Variants in FOXO1 observed in about 807,000 individuals in gnomAD.
FOXO1 encodes the protein forkhead box O1.
A neutral mutation model predicts 44.1 loss-of-function variants in FOXO1; 6 were observed. That is an observed-to-expected ratio of 0.14 (90% CI 0.07 to 0.27). The LOEUF (loss-of-function observed/expected upper bound fraction) is 0.27, where lower values mean the gene tolerates loss of function less well. Among genes scored for constraint, FOXO1 ranks in the 10% least tolerant of loss-of-function variants. The pLI, the probability that FOXO1 is intolerant of heterozygous loss-of-function variation, is 1.00. For missense variants in FOXO1, 737 were observed against 888.8 expected (o/e 0.83, Z 2.17); for synonymous variants, 380 against 362.7 (o/e 1.05, Z -0.54).
chr13:40,578,319 A>C (rs1203941362), intron 1 of FOXO1, among the ~76,000 whole-genome samples: 1 of 152,200 alleles, frequency 6.6e-6, no homozygotes, highest in Non-Finnish European at 1.5e-5. Flanking sequence ...AACAAAGCTG[A>C]CAACTGGTCC....
chr13:40,597,556 C>T (rs1875629336), intron 1 of FOXO1, among the ~76,000 whole-genome samples: 1 of 152,170 alleles, frequency 6.6e-6, no homozygotes, highest in African/African-American at 2.4e-5. Context: ...TCAACAAGGT[C>T]CTGTGCCAAA....
chr13:40,620,291 A>T (rs1420244977), intron 1 of FOXO1: 2 of 1,073,816 alleles, frequency 1.9e-6, no homozygotes, highest in African/African-American at 3.1e-5. Flanking sequence ...AACAGAACTC[A>T]TCCAGAGTAG....
intron 1 of FOXO1, among the ~76,000 whole-genome samples, chr13:40,662,954 C>T (rs1446244301): frequency 4.6e-5 from 7 of 152,196 alleles, no homozygotes; most frequent in Admixed American, 3.9e-4. Flanking sequence ...TTTTATGAAA[C>T]TAACCAAAAG....
chr13:40,611,290 T>C (rs2137890945), intron 1 of FOXO1, among the ~76,000 whole-genome samples: 1 of 152,364 alleles, frequency 6.6e-6, no homozygotes, highest in South Asian at 2.1e-4. Context: ...GCTAGAGTGC[T>C]ACCCCTATGG....
At chr13:40,628,669 G>A (rs1876866048) in intron 1 of FOXO1, among the ~76,000 whole-genome samples, 2 of 152,294 alleles carry the variant, frequency 1.3e-5, no homozygotes, top group East Asian at 1.9e-4. Context: ...CTGTGAAATG[G>A]GGACATGGCC....
intron 1 of FOXO1, among the ~76,000 whole-genome samples, chr13:40,582,370 A>G (rs557960221): frequency 6.6e-6 from 1 of 152,334 alleles, no homozygotes; most frequent in Admixed American, 6.5e-5. Context: ...GGTGGTAGCT[A>G]AAAGCTGGGA....
intron 1 of FOXO1, among the ~76,000 whole-genome samples, chr13:40,598,014 G>A (rs553100012): frequency 1.4e-4 from 22 of 152,234 alleles, no homozygotes; most frequent in African/African-American, 4.1e-4. Context: ...TCGGGCTCTC[G>A]TTTTCAATTT....
At chr13:40,629,738 A>G (rs1157957644) in intron 1 of FOXO1, among the ~76,000 whole-genome samples, 1 of 152,234 alleles carries the variant, frequency 6.6e-6, no homozygotes, top group Non-Finnish European at 1.5e-5. Flanking sequence ...GCATATGGAC[A>G]TAAGACCCAT....
intron 1 of FOXO1, among the ~76,000 whole-genome samples, chr13:40,604,027 A>C (rs1341344058): frequency 6.6e-6 from 1 of 152,184 alleles, no homozygotes; most frequent in Non-Finnish European, 1.5e-5. Context: ...CAGGTGAGAA[A>C]GCTGGAGCAG....
intron 1 of FOXO1, among the ~76,000 whole-genome samples, chr13:40,649,376 T>C (rs1352746782): frequency 1.3e-5 from 2 of 152,040 alleles, no homozygotes; most frequent in African/African-American, 4.8e-5. Flanking sequence ...GGGTGGGGAG[T>C]ATAAATGAGG....
chr13:40,665,157 G>T (rs1355609340), intron 1 of FOXO1, among the ~76,000 whole-genome samples: 2 of 151,860 alleles, frequency 1.3e-5, no homozygotes. Context: ...CGCGCCCGGC[G>T]GAAACAGCTC....
At chr13:40,595,649 G>T (rs1307624043) in intron 1 of FOXO1, among the ~76,000 whole-genome samples, 1 of 152,116 alleles carries the variant, frequency 6.6e-6, no homozygotes, top group East Asian at 1.9e-4. Flanking sequence ...ATTATCAAGT[G>T]AACAGTAACA....
At chr13:40,570,246 G>T (rs917886060) in intron 1 of FOXO1, among the ~76,000 whole-genome samples, 37 of 151,698 alleles carry the variant, frequency 2.4e-4, no homozygotes, top group African/African-American at 7.0e-4. Context: ...GGAGGCGGAG[G>T]TTGCAGTAAG....
intron 1 of FOXO1, among the ~76,000 whole-genome samples, chr13:40,603,372 AAAG>A (rs1219300849): frequency 2.0e-5 from 3 of 151,500 alleles, no homozygotes; most frequent in African/African-American, 7.3e-5. Flanking sequence ...AAAAAAAAAA[AAAG>A]GTTGAGTTAA....
In FOXO1 at chr13:40,665,948, A is replaced by G; in HGVS notation, c.265T>C (p.Ser89Pro). Residue 89 changes from serine (S) to proline (P), a missense_variant, in exon 1 of 3, where the codon TCC (serine) becomes CCC (proline). Ser to Pro is a moderately conservative substitution (Grantham distance 74, BLOSUM62 -1). Transcript: ENST00000379561. ...GCCGCCGCCACCGCCGCCGCCACGG[A>G]GCCGGGCGCCTGCGGGAAGTCCTCG... Reference protein sequence around the residue: ...ESEDFPQAPGSVAAAVAAAAA... With the variant: ...ESEDFPQAPGPVAAAVAAAAA... 1.6e-6 allele frequency: 2 copies of G among 1,224,354 alleles called. No individual in the cohort carries two copies. Among genetic ancestry groups the G allele is most frequent in the Admixed American group, 4.3e-5 (1 of 23,014 alleles). The allele number at this position is 1,224,354 out of a possible 1,614,324, so 75.8% of individuals were successfully genotyped here.
At chr13:40,578,799 A>T (rs1874854967) in intron 1 of FOXO1, among the ~76,000 whole-genome samples, 1 of 152,222 alleles carries the variant, frequency 6.6e-6, no homozygotes, top group Non-Finnish European at 1.5e-5. Flanking sequence ...AACACAAAAC[A>T]AACAAGAGCA....
chr13:40,661,572 C>G (rs963777683), intron 1 of FOXO1, among the ~76,000 whole-genome samples: 3 of 151,818 alleles, frequency 2.0e-5, no homozygotes, highest in African/African-American at 7.2e-5. Context: ...GCTGGGATTA[C>G]AGGTGTGCGC....
chr13:40,581,124 GAC>G lies in FOXO1; in HGVS notation c.631-20266_631-20265del, dbSNP rs762843916. On this transcript the variant is annotated intron_variant, in intron 1 of 2. Coordinates refer to ENST00000379561, the MANE Select transcript of FOXO1 (RefSeq NM_002015.4). ...CAGAAAGAGCTTTAGACTTTTCTGGGACACAACAGGTGTCCAGAGAGCATCAC... is the reference window on the plus strand; with the variant it reads ...CAGAAAGAGCTTTAGACTTTTCTGGGACAACAGGTGTCCAGAGAGCATCAC... Among the ~76,000 whole-genome samples, 132 of 152,162 alleles carry G rather than the reference GAC, an allele frequency of 8.7e-4. 3 individuals carry two copies. Among genetic ancestry groups the G allele is most frequent in the Admixed American group, 3.3e-4 (5 of 15,260 alleles).
rs199719831 is a variant in FOXO1 at position 40,560,326 on chromosome 13, C to T, written c.1165G>A (p.Val389Ile). ...GTGCCAGGTGAGGACTGGGTCGAAA[C>T]AGTTAATGATGTTGGTGATGAGAGA... ...NLLSSPTSLT[V>I]STQSSPGTMM... is the part of the protein sequence containing the mutation. Residue 389 changes from valine to isoleucine, a missense_variant, in exon 2 of 3, where the codon GTT becomes ATT. This residue lies in a region of FOXO1 where 283 missense variants were observed against 278.1 expected (regional missense o/e 1.02). Transcript: ENST00000379561. The surrounding 1 kb of genome is among the most constrained non-coding windows in gnomAD (Gnocchi z 5.1). 3.2e-5 allele frequency: 51 copies of T among 1,614,006 alleles called. No individual in the cohort carries two copies. The highest frequency in any genetic ancestry group is 1.6e-4 in the Middle Eastern group (1 of 6,084).
Sources: allele counts gnomAD v4.1 joint callset (sites outside exome capture counted in the v4.1 genomes callset), GRCh38; gene constraint gnomAD v4.1.1; regional missense constraint gnomAD v4.1.1; non-coding constraint Gnocchi (gnomAD v3.1); transcripts MANE v1.5; gene names NCBI Gene and HGNC (gene_info 2026-07-23, HGNC 2026-07-21).